The following D2HGDH variants were observed in gnomAD, a reference collection of about 807,000 sequenced individuals.
The protein encoded by D2HGDH is D-2-hydroxyglutarate dehydrogenase, mitochondrial.
A neutral mutation model predicts 46.9 loss-of-function variants in D2HGDH; 31 were observed. The ratio of observed to expected loss-of-function variants is 0.66; its 90% CI spans 0.50 to 0.89. The LOEUF (loss-of-function observed/expected upper bound fraction) is 0.89, where lower values mean the gene tolerates loss of function less well. Ranked by LOEUF, D2HGDH falls within the 40% of genes least tolerant of loss-of-function variation. The pLI is 0.00. For synonymous variants in D2HGDH, 364 were observed against 332.6 expected (o/e 1.09, Z -1.03); for missense variants, 698 against 720.8 (o/e 0.97, Z 0.36).
At chr2:241,760,199 C>T (rs1325442695) in intron 9 of D2HGDH, among the ~76,000 whole-genome samples, 5 of 48,066 alleles carry the variant, frequency 1.0e-4, no homozygotes, top group African/African-American at 4.7e-4. Flanking sequence ...CCCAATCAGT[C>T]GAAGGACTTC....
chr2:241,754,221 C>T (rs1340668358), intron 8 of D2HGDH, among the ~76,000 whole-genome samples: 2 of 152,196 alleles, frequency 1.3e-5, no homozygotes, highest in African/African-American at 2.4e-5. Context: ...CCGATGCCCG[C>T]CAGACCATGG....
chr2:241,741,680 C>T (rs1351166898), intron 3 of D2HGDH, among the ~76,000 whole-genome samples: 1 of 133,706 alleles, frequency 7.5e-6, no homozygotes, highest in African/African-American at 3.2e-5. Flanking sequence ...TTGCTGTCTC[C>T]AGGGTTTATT....
chr2:241,736,414 G>T (rs1239751135), intron 2 of D2HGDH, among the ~76,000 whole-genome samples: 3 of 146,502 alleles, frequency 2.0e-5, no homozygotes, highest in South Asian at 2.2e-4. Flanking sequence ...TGAAATCAGG[G>T]TATCACAGGG....
chr2:241,740,922 AGAGT>A lies in D2HGDH; in HGVS notation c.293-107_293-104del, dbSNP rs1459849722. The stretch of plus-strand genomic sequence containing the variant: ...ATCGTGGCACTTCAGCCTGGGCAAC[AGAGT>A]GAGAGTCCGTCTCCAAAAAAAAAAA... On this transcript the variant is annotated intron_variant, in intron 2 of 9. Coordinates refer to ENST00000321264, the MANE Select transcript of D2HGDH (RefSeq NM_152783.5). 9.5e-6 allele frequency: 8 copies of A among 839,714 alleles called. No individual in the cohort carries two copies. In the African/African-American group the frequency reaches 1.4e-4, roughly 14 times the overall value. 52.0% of individuals were successfully genotyped at this position (839,714 alleles called of 1,614,324 possible). A position where few individuals can be genotyped will look rare whatever the true frequency, so the allele number is the denominator to read the frequency against.
At chr2:241,736,336 A>C (rs1189664910) in intron 2 of D2HGDH, 1 of 152,290 alleles carries the variant, frequency 6.6e-6, no homozygotes, top group Non-Finnish European at 1.5e-5. Context: ...CATCTCTAAA[A>C]CAAAACAGAA....
intron 8 of D2HGDH, chr2:241,754,379 T>G (rs1697828128): frequency 6.6e-6 from 1 of 152,210 alleles, no homozygotes; most frequent in African/African-American, 2.4e-5. Context: ...GCACGGTGGC[T>G]CATGCTGTAA....
Position 241,744,707 on chromosome 2 carries a change from A to G in D2HGDH, c.685-2A>G, listed in dbSNP as rs753528947. ...GGTGAACGTGCTTCTCTTTGCCCCA[A>G]GGTGCTGGCCGACGGCACTGTCCTG... is the stretch of plus-strand genomic sequence containing the variant. On this transcript the variant is annotated splice_acceptor_variant, in intron 5 of 9. Coordinates refer to ENST00000321264, the MANE Select transcript of D2HGDH (RefSeq NM_152783.5). LOFTEE classifies it high-confidence loss of function. The G allele has an allele frequency of 1.9e-5, 31 of 1,614,108 alleles. No individual in the cohort carries two copies. In the African/African-American group the frequency reaches 2.8e-4, roughly 15 times the overall value.
At chr2:241,753,177 G>T (rs555850419) in intron 8 of D2HGDH, among the ~76,000 whole-genome samples, 2 of 152,214 alleles carry the variant, frequency 1.3e-5, no homozygotes, top group Non-Finnish European at 2.9e-5. Flanking sequence ...CATGCTCGAC[G>T]GGTAGGTAAT....
intron 5 of D2HGDH, 101 bp from the exon 6 acceptor site, chr2:241,744,608 A>G (rs1323757447): frequency 2.1e-6 from 3 of 1,418,208 alleles, no homozygotes; most frequent in African/African-American, 2.8e-5. Context: ...GCCTCTTGGC[A>G]TGACCTCAGG....
intron 8 of D2HGDH, among the ~76,000 whole-genome samples, chr2:241,754,092 TGGTG>T (rs1302973661): frequency 6.6e-6 from 1 of 151,968 alleles, no homozygotes; most frequent in Non-Finnish European, 1.5e-5. Flanking sequence ...CTTCCAGAGA[TGGTG>T]GGTGTGGAGC....
chr2:241,747,937 G>T (rs1696307885), intron 6 of D2HGDH, among the ~76,000 whole-genome samples: 1 of 152,106 alleles, frequency 6.6e-6, no homozygotes, highest in Non-Finnish European at 1.5e-5. Flanking sequence ...GGACAGGCTT[G>T]CTTCTGGCCC....
chr2:241,743,537 G>A lies in D2HGDH; in HGVS notation c.491-85G>A, dbSNP rs1695083769. On this transcript the variant is annotated intron_variant, in intron 4 of 9. Coordinates refer to ENST00000321264, the MANE Select transcript of D2HGDH (RefSeq NM_152783.5). The surrounding 1 kb of genome is among the most constrained non-coding windows in gnomAD (Gnocchi z 4.8). ...GGCTGATGTTCCTTCTGGGTGGCTT[G>A]CCTGTGCAAGATGGGGGTTGGGACT... is the stretch of plus-strand genomic sequence containing the variant. The A allele has an allele frequency of 6.7e-7, 1 of 1,489,328 alleles. No homozygotes were observed. The highest frequency in any genetic ancestry group is 1.4e-5 in the African/African-American group (1 of 72,548). 92.3% of individuals were successfully genotyped at this position (1,489,328 alleles called of 1,614,324 possible).
chr2:241,768,454 G>A lies in D2HGDH; in HGVS notation c.*485G>A, dbSNP rs932943280. On this transcript the variant is annotated 3_prime_UTR_variant, in exon 10 of 10. Transcript: ENST00000321264. ...ACGTGGGCCGTGATCGTGGGTTGCC[G>A]AGAGGACCTGAGCGCTGCGGCTCTG... The A allele has an allele frequency of 1.8e-4, 30 of 165,184 alleles. No individual in the cohort carries two copies. Among genetic ancestry groups the A allele is most frequent in the African/African-American group, 6.3e-4 (26 of 41,564 alleles). The allele number at this position is 165,184 out of a possible 1,614,324, so 10.2% of individuals were successfully genotyped here.
At position 241,738,767 on chromosome 2, in the gene D2HGDH, C is replaced by T. The variant is rs557564221; in HGVS notation, c.293-2266C>T. Among the ~76,000 whole-genome samples the T allele has an allele frequency of 1.4e-4, 22 of 152,354 alleles. No individual in the cohort carries two copies. The South Asian group carries it at 2.5e-3, about 17-fold the overall frequency. On this transcript the variant is annotated intron_variant, in intron 2 of 9. Coordinates refer to ENST00000321264, the MANE Select transcript of D2HGDH (RefSeq NM_152783.5). ...GCCTGTGGGAGGGCGCCTTCCTCTGCGTCCTGCTGCCCCGAGTTTGGTGAG... is the reference window on the plus strand; with the variant it reads ...GCCTGTGGGAGGGCGCCTTCCTCTGTGTCCTGCTGCCCCGAGTTTGGTGAG...
chr2:241,744,943 A>G (rs945580001), intron 6 of D2HGDH, 66 bp downstream of exon 6: 45 of 1,600,440 alleles, frequency 2.8e-5, no homozygotes, highest in Admixed American at 5.0e-5. Context: ...TGATGGTGCC[A>G]CTGTTGGTGT....
intron 6 of D2HGDH, among the ~76,000 whole-genome samples, chr2:241,745,967 C>T (rs373421625): frequency 2.6e-5 from 4 of 152,156 alleles, no homozygotes; most frequent in Admixed American, 2.6e-4. Context: ...TCCTGGCCCC[C>T]CTTGGGCCAC....
intron 6 of D2HGDH, chr2:241,748,826 G>T: frequency 8.3e-7 from 1 of 1,203,146 alleles, no homozygotes. Flanking sequence ...TCTTCATCCA[G>T]GTTTTCTGTG....
intron 9 of D2HGDH, among the ~76,000 whole-genome samples, chr2:241,760,372 G>A (rs1458254706): frequency 1.4e-5 from 2 of 142,432 alleles, no homozygotes; most frequent in South Asian, 2.3e-4. Flanking sequence ...CCAATCAGTC[G>A]AAGGCCTTTG....
chr2:241,742,164 G>A lies in D2HGDH; in HGVS notation c.351-271G>A, dbSNP rs112904582. ...TGAACGGGAAGGATGGGAGCCGGGCGTGTAGGACGTTCTGTCCTTTGAGGG... is the reference window on the plus strand; with the variant it reads ...TGAACGGGAAGGATGGGAGCCGGGCATGTAGGACGTTCTGTCCTTTGAGGG... On this transcript the variant is annotated intron_variant, in intron 3 of 9. Transcript: ENST00000321264. This position sits in a 1 kb window ranked among gnomAD's most constrained non-coding sequence, Gnocchi z 4.8. 5.9e-5 allele frequency among the ~76,000 whole-genome samples: 9 copies of A among 152,274 alleles called. No individual in the cohort carries two copies. Among genetic ancestry groups the A allele is most frequent in the African/African-American group, 1.2e-4 (5 of 41,536 alleles).
Sources: gnomAD v4.1 joint callset for allele counts (sites outside exome capture counted in the v4.1 genomes callset) on GRCh38, gnomAD v4.1.1 for gene constraint, Gnocchi (gnomAD v3.1) non-coding constraint, MANE v1.5 for transcripts, NCBI Gene and HGNC (gene_info 2026-07-23, HGNC 2026-07-21) for gene names.